The following TRNT1 variants were observed in gnomAD, a reference collection of about 807,000 sequenced individuals.
TRNT1 encodes CCA tRNA nucleotidyltransferase 1, mitochondrial.
Under a neutral mutation model 45.6 loss-of-function variants are expected in TRNT1, and 44 were observed. That is an observed-to-expected ratio of 0.97 (90% CI 0.76 to 1.24). The LOEUF (loss-of-function observed/expected upper bound fraction) is 1.24, where lower values mean the gene tolerates loss of function less well. Ranked by LOEUF, TRNT1 falls within the 50% of genes most tolerant of loss-of-function variation. TRNT1 has a pLI of 0.00. For missense variants in TRNT1, 633 were observed against 504.4 expected (o/e 1.25, Z -2.44); for synonymous variants, 201 against 171.4 (o/e 1.17, Z -1.35).
In TRNT1 at chr3:3,147,456, C is replaced by G. The variant is rs187921784; in HGVS notation, c.809C>G (p.Pro270Arg). The change falls in exon 7 of 8, where the codon CCT (proline) becomes CGT (arginine). Residue 270 changes from proline to arginine, a missense_variant. By Grantham distance (103) the Pro-to-Arg change is moderately radical. Coordinates refer to ENST00000251607, the MANE Select transcript of TRNT1 (RefSeq NM_182916.3). ...DLDVAPYIGL[P>R]ANASLEEFDK... is the part of the protein sequence containing the mutation. ...AATGCTTTTGTCCCTACAGGTTTAC[C>G]TGCTAATGCAAGTTTAGAAGAATTT... The G allele has an allele frequency of 6.1e-4, 983 of 1,613,244 alleles. 5 individuals are homozygous for G. Among genetic ancestry groups the G allele is most frequent in the Non-Finnish European group, 3.9e-4 (464 of 1,179,518 alleles).
chr3:3,152,303 C>A (rs969737931), downstream of TRNT1, among the ~76,000 whole-genome samples: 5 of 151,890 alleles, frequency 3.3e-5, no homozygotes, highest in African/African-American at 1.2e-4. Context: ...CAGACCCCTG[C>A]CCCCATACCC....
At chr3:3,147,734 T>G in intron 7 of TRNT1, 31 bp downstream of exon 7, 1 of 1,565,762 alleles carries the variant, frequency 6.4e-7, no homozygotes. Context: ...GTCAGAAATA[T>G]GAAGTATCGT....
chr3:3,144,554 G>T, intron 4 of TRNT1, 30 bp from the exon 5 acceptor site: 1 of 1,560,278 alleles, frequency 6.4e-7, no homozygotes, highest in South Asian at 1.2e-5. Flanking sequence ...TGCCAATAGT[G>T]ATTTTTCTCC....
rs2126034803 is a variant in TRNT1 at position 3,146,492 on chromosome 3, C to T, written c.671C>T (p.Ala224Val). The change falls in exon 6 of 8, where the codon GCA (alanine) becomes GTA (valine). Residue 224 changes from alanine (A) to valine (V), a missense_variant. Ala to Val is a moderately conservative substitution (Grantham distance 64). Transcript: ENST00000251607. ...GATCCTGAGACTTTGGAAGCAATTG[C>T]AGAAAATGCAAAAGGCTTGGCTGGA... ...DHDPETLEAI[A>V]ENAKGLAGIS... The T allele has an allele frequency of 6.2e-7, 1 of 1,613,746 alleles. No individual in the cohort carries two copies. The highest frequency in any genetic ancestry group is 8.5e-7 in the Non-Finnish European group (1 of 1,179,888).
downstream of TRNT1, chr3:3,153,395 G>A (rs753929515): frequency 1.7e-6 from 2 of 1,187,074 alleles, no homozygotes; most frequent in African/African-American, 1.5e-5. Context: ...GATAAGGCAA[G>A]TATATTAAAA....
chr3:3,143,657 C>T (rs182249376), intron 4 of TRNT1, among the ~76,000 whole-genome samples: 3 of 152,218 alleles, frequency 2.0e-5, no homozygotes, highest in Admixed American at 2.0e-4. Flanking sequence ...GCATGCAGAT[C>T]ACTTGATGTC....
At chr3:3,133,406 A>C (rs1051604872) in intron 2 of TRNT1, among the ~76,000 whole-genome samples, 3 of 152,034 alleles carry the variant, frequency 2.0e-5, no homozygotes, top group African/African-American at 7.2e-5. Flanking sequence ...TAATAATAAT[A>C]AATTTAGCCA....
rs1439134079 is a variant in TRNT1 at position 3,137,373 on chromosome 3, C to A, written c.262C>A (p.Gln88Lys). 5.0e-6 allele frequency: 8 copies of A among 1,613,830 alleles called. No homozygotes were observed. The highest frequency in any genetic ancestry group is 1.3e-5 in the African/African-American group (1 of 75,004). The change falls in exon 3 of 8, where the codon CAA (glutamine) becomes AAA (lysine). Residue 88 changes from glutamine (Q) to lysine (K), a missense_variant. Coordinates refer to ENST00000251607, the MANE Select transcript of TRNT1 (RefSeq NM_182916.3). Reference sequence around the variant, plus strand: ...TTTTGCCACCACTGCTACCCCTACTCAAATGAAGGAGATGTTTCAGTCGGC... The same window carrying A: ...TTTTGCCACCACTGCTACCCCTACTAAAATGAAGGAGATGTTTCAGTCGGC... Reference protein sequence around the residue: ...IDFATTATPTQMKEMFQSAGI... With the variant: ...IDFATTATPTKMKEMFQSAGI...
downstream of TRNT1, chr3:3,149,999 A>C (rs996884266): frequency 2.6e-5 from 4 of 152,202 alleles, no homozygotes; most frequent in Non-Finnish European, 5.9e-5. Context: ...CATTATTTGA[A>C]CAAAGAACAT....
rs768744806 is a variant in TRNT1 at position 3,137,396 on chromosome 3, G to T, written c.285G>T (p.Ser95=). ...CTCAAATGAAGGAGATGTTTCAGTC[G>T]GCTGGGATTCGGATGATAAACAACA... ...TPTQMKEMFQ[S]AGIRMINNRG... is the part of the protein sequence containing the mutation. Residue 95 remains serine, a synonymous_variant, in exon 3 of 8, where the codon TCG becomes TCT. Coordinates refer to ENST00000251607, the MANE Select transcript of TRNT1 (RefSeq NM_182916.3). 5.0e-6 allele frequency: 8 copies of T among 1,613,768 alleles called. No individual in the cohort carries two copies. The highest frequency in any genetic ancestry group is 3.3e-4 in the Middle Eastern group (2 of 6,060).
chr3:3,132,731 G>GA (rs369384116), intron 2 of TRNT1, among the ~76,000 whole-genome samples: 24,513 of 88,004 alleles, frequency 0.28, 3,410 homozygotes, highest in African/African-American at 0.46. Flanking sequence ...CCTATTGAAG[G>GA]AAAAAAAAAA....
At chr3:3,151,894 CA>C (rs1706583229), downstream of TRNT1, among the ~76,000 whole-genome samples, 1 of 152,182 alleles carries the variant, frequency 6.6e-6, no homozygotes, top group Non-Finnish European at 1.5e-5. Context: ...CTTAGTCTAT[CA>C]TTGCTTTGTA....
rs551320465 is a variant in TRNT1, at chr3:3,141,404, A to G, written c.481+756A>G. Among the ~76,000 whole-genome samples the G allele has an allele frequency of 6.7e-4, 102 of 152,278 alleles. 1 individual carries two copies. Among genetic ancestry groups the G allele is most frequent in the African/African-American group, 1.9e-3 (77 of 41,558 alleles). On this transcript the variant is annotated intron_variant, in intron 4 of 7. Coordinates refer to ENST00000251607, the MANE Select transcript of TRNT1 (RefSeq NM_182916.3). Reference sequence around the variant, plus strand: ...ACTATCTTTCATGCATGTTTATTCAATCTTTCTTCTGCTTCCCTGGCAAAC... The same window carrying G: ...ACTATCTTTCATGCATGTTTATTCAGTCTTTCTTCTGCTTCCCTGGCAAAC...
chr3:3,130,670 TTAA>T (rs1189764783), intron 2 of TRNT1: 4 of 152,218 alleles, frequency 2.6e-5, no homozygotes, highest in Non-Finnish European at 5.9e-5. Flanking sequence ...GAAATAAATT[TTAA>T]TAATTATTTT....
intron 1 of TRNT1, 189 bp downstream of exon 1, chr3:3,127,179 C>T (rs1360958998): frequency 1.3e-5 from 2 of 152,336 alleles, no homozygotes; most frequent in African/African-American, 2.4e-5. Flanking sequence ...CGCCACGTTT[C>T]CGGCGACCGC....
chr3:3,129,501 T>G (rs1559213229), intron 2 of TRNT1: 2 of 394,380 alleles, frequency 5.1e-6, no homozygotes, highest in Non-Finnish European at 9.4e-6. Context: ...GTAGGAGGAT[T>G]GTTTGAGCCC....
intron 2 of TRNT1, among the ~76,000 whole-genome samples, chr3:3,131,010 A>AT: frequency 6.6e-6 from 1 of 151,358 alleles, no homozygotes; most frequent in South Asian, 2.1e-4. Flanking sequence ...GAAGCCTGGG[A>AT]GGGGGGCTTG....
At position 3,129,112 on chromosome 3, in the gene TRNT1, G is replaced by A. The variant is rs1321995630; in HGVS notation, c.72G>A (p.Lys24=). The A allele has an allele frequency of 1.2e-6, 2 of 1,614,016 alleles. No homozygotes were observed. The highest frequency in any genetic ancestry group is 1.3e-5 in the African/African-American group (1 of 74,928). The change falls in exon 2 of 8, where the codon AAG becomes AAA. Residue 24 remains lysine (K), a synonymous_variant. Transcript: ENST00000251607. ...GGTGGAGTAGGCTGTGCCTTCCGAA[G>A]CAGTATCTATTCACAATGAAGTTGC... ...NRRWSRLCLP[K]QYLFTMKLQS...
chr3:3,136,039 T>C (rs1231083259), intron 2 of TRNT1, among the ~76,000 whole-genome samples: 1 of 152,128 alleles, frequency 6.6e-6, no homozygotes. Flanking sequence ...ATTGGGTGTC[T>C]TAATAATGGT....
Sources: allele counts gnomAD v4.1 joint callset (sites outside exome capture counted in the v4.1 genomes callset), GRCh38; gene constraint gnomAD v4.1.1; transcripts MANE v1.5; gene names NCBI Gene and HGNC (gene_info 2026-07-23, HGNC 2026-07-21).